Variants in DGKZ observed in about 807,000 individuals in gnomAD.
DGKZ encodes the protein DAG kinase zeta.
DGKZ carries 45 observed loss-of-function variants against 142.5 expected under a neutral mutation model. That is an observed-to-expected ratio of 0.32 (90% confidence interval 0.25 to 0.40). The LOEUF (loss-of-function observed/expected upper bound fraction) is 0.40. DGKZ is among the 10% of genes least tolerant of loss of function. The pLI is 1.00. For missense variants in DGKZ, 755 were observed against 1,306.5 expected, an observed-to-expected ratio of 0.58 and a Z score of 6.51; for synonymous variants, 442 against 527.0, an observed-to-expected ratio of 0.84 and a Z score of 2.21.
At chr11:46,374,279 G>T in intron 15 of DGKZ, 44 bp downstream of exon 15, 1 of 1,612,972 alleles carries the variant, frequency 6.2e-7, no homozygotes, top group Non-Finnish European at 8.5e-7. Flanking sequence ...GGGCACAGGA[G>T]TGTCCCCGGG....
At chr11:46,362,776 A>G (rs1351968909) in intron 1 of DGKZ, among the ~76,000 whole-genome samples, 2 of 152,196 alleles carry the variant, frequency 1.3e-5, no homozygotes, top group Admixed American at 1.3e-4. Context: ...GCTGTAGCTG[A>G]TGAAGCTCTC....
rs770605325 is a variant in DGKZ, at chr11:46,358,180, CT to C, written c.162-9110del. Reference sequence around the variant, plus strand: ...CAGTGGTGGGTAAAACTGCTAGCCCCTCAACGCGAATCTAGGCAGGGGCCCC... The same window carrying C: ...CAGTGGTGGGTAAAACTGCTAGCCCCCAACGCGAATCTAGGCAGGGGCCCC... On this transcript the variant is annotated intron_variant, in intron 1 of 30. Coordinates refer to ENST00000527911, the Ensembl canonical transcript of DGKZ. Among the ~76,000 whole-genome samples the C allele has an allele frequency of 3.3e-5, 5 of 152,278 alleles. No homozygotes were observed. In the East Asian group the frequency reaches 9.6e-4, roughly 29 times the overall value.
chr11:46,376,591 C>G, intron 24 of DGKZ, 27 bp downstream of exon 24: 1 of 1,612,976 alleles, frequency 6.2e-7, no homozygotes, highest in Non-Finnish European at 8.5e-7. Context: ...CTGCTCCAGC[C>G]ACAGCTGCTT....
Position 46,377,400 on chromosome 11 carries a change from G to C in DGKZ, c.2342+188G>C, listed in dbSNP as rs563062426. On this transcript the variant is annotated intron_variant, in intron 25 of 30. Transcript: ENST00000527911. ...GGGGAAGCGGCCTCACGTCCACCCT[G>C]GTTCCCTCCCTGACTTCTCCCTCCT... The C allele has an allele frequency of 1.9e-3, 2,135 of 1,143,838 alleles. 4 individuals carry two copies. The highest frequency in any genetic ancestry group is 1.9e-3 in the Non-Finnish European group (1,636 of 849,852). The allele number at this position is 1,143,838 out of a possible 1,614,324, so 70.9% of individuals were successfully genotyped here. A position where few individuals can be genotyped will look rare whatever the true frequency, so the allele number is the denominator to read the frequency against.
Position 46,356,570 on chromosome 11 carries a change from G to T in DGKZ, c.161+8750G>T, listed in dbSNP as rs1374921660. The stretch of plus-strand genomic sequence containing the variant: ...GGAAAACCATGAGGGAGAATTCACT[G>T]AGTAGAGAGGGGAGTGGTATTCCAG... On this transcript the variant is annotated intron_variant, in intron 1 of 30. Coordinates refer to ENST00000527911, the Ensembl canonical transcript of DGKZ. Among the ~76,000 whole-genome samples, 3 of 152,178 alleles carry T rather than the reference G, an allele frequency of 2.0e-5. No individual in the cohort carries two copies. In the East Asian group the frequency reaches 5.8e-4, roughly 29 times the overall value.
At chr11:46,371,428 G>A (rs756804119) in intron 7 of DGKZ, 44 bp downstream of exon 7, 1 of 1,610,082 alleles carries the variant, frequency 6.2e-7, no homozygotes, top group Non-Finnish European at 8.5e-7. Context: ...TGCACTGCTG[G>A]GTTTGGGTCC....
chr11:46,355,454 G>T (rs1462093690), intron 1 of DGKZ, among the ~76,000 whole-genome samples: 1 of 152,076 alleles, frequency 6.6e-6, no homozygotes, highest in African/African-American at 2.4e-5. Flanking sequence ...TGTTTCCCAG[G>T]AACAAACACT....
At chr11:46,357,969 C>A (rs1402732014) in intron 1 of DGKZ, among the ~76,000 whole-genome samples, 1 of 152,204 alleles carries the variant, frequency 6.6e-6, no homozygotes, top group Non-Finnish European at 1.5e-5. Context: ...GTACAGGAGG[C>A]TTAGTGCCAC....
rs373403456 is a variant in DGKZ at position 46,367,635 on chromosome 11, G to A, written c.271-17G>A. The A allele has an allele frequency of 2.5e-6, 4 of 1,587,728 alleles. No individual in the cohort carries two copies. Among genetic ancestry groups the A allele is most frequent in the Non-Finnish European group, 3.4e-6 (4 of 1,164,478 alleles). ...TGGGCGGCCAGCGTGTGCTGAGCAAGCCCATCCCGTGGCTAGGAGTCAGCG... is the reference window on the plus strand; with the variant it reads ...TGGGCGGCCAGCGTGTGCTGAGCAAACCCATCCCGTGGCTAGGAGTCAGCG... On this transcript the variant is annotated splice_polypyrimidine_tract_variant and intron_variant, in intron 2 of 30. Coordinates refer to ENST00000527911, the Ensembl canonical transcript of DGKZ. This position sits in a 1 kb window ranked among gnomAD's most constrained non-coding sequence, Gnocchi z 4.1.
intron 1 of DGKZ, among the ~76,000 whole-genome samples, chr11:46,363,493 C>T (rs903037781): frequency 6.6e-6 from 1 of 152,192 alleles, no homozygotes; most frequent in Non-Finnish European, 1.5e-5. Context: ...GAGGAGACTC[C>T]TGGACAGATG....
chr11:46,364,444 C>T (rs1943034198), intron 1 of DGKZ: 1 of 1,281,194 alleles, frequency 7.8e-7, no homozygotes, highest in African/African-American at 1.5e-5. Flanking sequence ...GCTGTCCTGC[C>T]CCTGCAGCTC....
intron 27 of DGKZ, 199 bp from the exon 28 acceptor site, chr11:46,378,792 A>G: frequency 1.0e-6 from 1 of 970,938 alleles, no homozygotes; most frequent in Non-Finnish European, 1.6e-6. Flanking sequence ...GTGCTGCCAG[A>G]GAGCCCACAG....
chr11:46,359,304 G>A (rs1339862552), intron 1 of DGKZ, among the ~76,000 whole-genome samples: 1 of 151,276 alleles, frequency 6.6e-6, no homozygotes, highest in Non-Finnish European at 1.5e-5. Context: ...AATTAGCTGG[G>A]CATGGTGGCC....
intron 4 of DGKZ, chr11:46,369,083 C>CT (rs1441745569): frequency 6.9e-6 from 2 of 288,630 alleles, no homozygotes; most frequent in Non-Finnish European, 1.4e-5. Flanking sequence ...TGATGCACAC[C>CT]TGTAATCCCA....
At chr11:46,335,177 G>A (rs1428528175) in intron 1 of DGKZ, among the ~76,000 whole-genome samples, 4 of 152,034 alleles carry the variant, frequency 2.6e-5, no homozygotes, top group Non-Finnish European at 5.9e-5. Flanking sequence ...AACCAGGTGT[G>A]GTGGCAGGCA....
At chr11:46,375,679 C>T (rs1435329200) in intron 20 of DGKZ, 48 bp downstream of exon 20, 2 of 1,523,984 alleles carry the variant, frequency 1.3e-6, no homozygotes, top group Non-Finnish European at 1.8e-6. Flanking sequence ...CCAGACCCTG[C>T]CCTCTCTGGG....
In DGKZ at chr11:46,367,360, C is replaced by A. The variant is rs1167546938; in HGVS notation, c.231C>A (p.Ser77Arg). 6.2e-7 allele frequency: 1 copy of A among 1,613,066 alleles called. No homozygotes were observed. Among genetic ancestry groups the A allele is most frequent in the Non-Finnish European group, 8.5e-7 (1 of 1,180,006 alleles). Residue 77 changes from serine to arginine, a missense_variant, in exon 2 of 31, where the codon AGC becomes AGA. Physicochemically the swap from Ser to Arg is moderately radical, Grantham distance 110. This residue lies in a region of DGKZ where 81 missense variants were observed against 86.5 expected (regional missense o/e 0.94). Transcript: ENST00000527911. This position sits in a 1 kb window ranked among gnomAD's most constrained non-coding sequence, Gnocchi z 4.1. Reference sequence around the variant, plus strand: ...CGCCCACCCCTGGGGCCCCGTGCAGCGAGTCAGAGCGGCAGATCCGGAGTA... The same window carrying A: ...CGCCCACCCCTGGGGCCCCGTGCAGAGAGTCAGAGCGGCAGATCCGGAGTA...
chr11:46,364,359 C>G (rs1943023685), intron 1 of DGKZ: 2 of 1,288,770 alleles, frequency 1.6e-6, no homozygotes, highest in African/African-American at 3.0e-5. Flanking sequence ...CAGTGCCTGA[C>G]ACATAGGGGC....
Position 46,372,114 on chromosome 11 carries a change from T to G in DGKZ, c.871T>G (p.Ser291Ala). The change falls in exon 10 of 31, where the codon TCC becomes GCC. Residue 291 changes from serine to alanine, a missense_variant. This residue lies in a region of DGKZ where 142 missense variants were observed against 244.4 expected (regional missense o/e 0.58). Transcript: ENST00000527911. The surrounding 1 kb of genome is among the most constrained non-coding windows in gnomAD (Gnocchi z 5.9). The stretch of plus-strand genomic sequence containing the variant: ...ACCCTTCATCATCAGGCCCACCCCC[T>G]CCCCGCTCATGAAGCCCCTGCTGGT... 6.2e-7 allele frequency: 1 copy of G among 1,611,618 alleles called. No homozygotes were observed. Among genetic ancestry groups the G allele is most frequent in the Non-Finnish European group, 8.5e-7 (1 of 1,179,278 alleles).
Sources: gnomAD v4.1 joint callset for allele counts (sites outside exome capture counted in the v4.1 genomes callset) on GRCh38, gnomAD v4.1.1 for gene constraint, gnomAD v4.1.1 regional missense constraint, Gnocchi (gnomAD v3.1) non-coding constraint, MANE v1.5 for transcripts, NCBI Gene and HGNC (gene_info 2026-07-23, HGNC 2026-07-21) for gene names.